TMEM245: variants seen among roughly 807,000 people sequenced by gnomAD.
TMEM245 encodes the protein protein CG-2.
A neutral mutation model predicts 101.2 loss-of-function variants in TMEM245; 69 were observed. That is an observed-to-expected ratio of 0.68 (90% CI 0.56 to 0.83). The LOEUF (loss-of-function observed/expected upper bound fraction) is 0.83, where lower values mean the gene tolerates loss of function less well. Ranked by LOEUF, TMEM245 falls within the 40% of genes least tolerant of loss-of-function variation. The pLI is 0.00. For synonymous variants in TMEM245, 537 were observed against 449.8 expected (o/e 1.19, Z -2.45); for missense variants, 1,075 against 1,092.8 (o/e 0.98, Z 0.23).
At chr9:109,043,212 T>C (rs1208069188) in intron 14 of TMEM245, among the ~76,000 whole-genome samples, 1 of 152,228 alleles carries the variant, frequency 6.6e-6, no homozygotes, top group African/African-American at 2.4e-5. Context: ...CAGTAAACAC[T>C]TCCCTGTCTT....
At chr9:109,037,101 T>C (rs1828151358) in intron 15 of TMEM245, among the ~76,000 whole-genome samples, 2 of 152,038 alleles carry the variant, frequency 1.3e-5, no homozygotes, top group Non-Finnish European at 2.9e-5. Context: ...GGGGATGTGG[T>C]AGAGGCAAAT....
At chr9:109,041,595 T>C (rs143944087) in intron 14 of TMEM245, among the ~76,000 whole-genome samples, 1,612 of 150,204 alleles carry the variant, frequency 0.011, 16 homozygotes, top group Middle Eastern at 0.051. Context: ...TCCCAGGGGC[T>C]GAGAGATGGT....
intron 17 of TMEM245, among the ~76,000 whole-genome samples, chr9:109,032,112 T>G (rs940997418): frequency 2.6e-5 from 4 of 152,214 alleles, no homozygotes. Flanking sequence ...GTGGCAGACA[T>G]CATGACACGT....
intron 1 of TMEM245, among the ~76,000 whole-genome samples, chr9:109,112,048 A>G (rs769911514): frequency 6.6e-5 from 10 of 152,330 alleles, no homozygotes; most frequent in Middle Eastern, 3.4e-3. Context: ...AAGTAATATT[A>G]GTTCAAGAGG....
rs1192745975 is a variant in TMEM245 at position 109,107,381 on chromosome 9, GGA to G, written c.698-774_698-773del. Reference sequence around the variant, plus strand: ...ACCACTGCACTCCAGCCTGGGCGATGGAGTGAGACTCTGTCTCAAAAAAAAAA... The same window carrying G: ...ACCACTGCACTCCAGCCTGGGCGATGGTGAGACTCTGTCTCAAAAAAAAAA... On this transcript the variant is annotated intron_variant, in intron 2 of 17. Transcript: ENST00000374586. Among the ~76,000 whole-genome samples the G allele has an allele frequency of 2.0e-5, 3 of 149,110 alleles. No individual in the cohort carries two copies. The East Asian group carries it at 5.9e-4, about 29-fold the overall frequency.
chr9:109,067,990 CCTA>C (rs1829218575), intron 9 of TMEM245, among the ~76,000 whole-genome samples: 5 of 152,092 alleles, frequency 3.3e-5, no homozygotes, highest in Admixed American at 3.3e-4. Flanking sequence ...CATGCCGACC[CCTA>C]CTATTTCCAA....
At chr9:109,067,214 G>C (rs573710182) in intron 9 of TMEM245, among the ~76,000 whole-genome samples, 7 of 152,152 alleles carry the variant, frequency 4.6e-5, no homozygotes, top group Non-Finnish European at 7.4e-5. Context: ...CAACAAATGA[G>C]AGGAGCTGTT....
At chr9:109,106,236 TAAA>T (rs1194957577) in intron 3 of TMEM245, among the ~76,000 whole-genome samples, 2 of 151,574 alleles carry the variant, frequency 1.3e-5, no homozygotes, top group Non-Finnish European at 2.9e-5. Context: ...AAAAATAAAA[TAAA>T]AATATTTTAT....
Position 109,107,760 on chromosome 9 carries a change from G to A in TMEM245, c.697+693C>T, listed in dbSNP as rs1000701474. On this transcript the variant is annotated intron_variant, in intron 2 of 17. Coordinates refer to ENST00000374586, the MANE Select transcript of TMEM245 (RefSeq NM_032012.4). Reference sequence around the variant, plus strand: ...TAAATTAGAACTTAGTGTTTCCATTGGCTCAAACTTGGGAGATGAAAGTCT... The same window carrying A: ...TAAATTAGAACTTAGTGTTTCCATTAGCTCAAACTTGGGAGATGAAAGTCT... 2.6e-5 allele frequency among the ~76,000 whole-genome samples: 4 copies of A among 152,212 alleles called. No homozygotes were observed. The South Asian group carries it at 8.3e-4, about 32-fold the overall frequency.
chr9:109,056,007 A>G (rs773004855), intron 12 of TMEM245, among the ~76,000 whole-genome samples: 7 of 152,246 alleles, frequency 4.6e-5, no homozygotes, highest in Non-Finnish European at 7.3e-5. Context: ...GAAAACAGAA[A>G]AGAGGCTTTC....
rs764919174 is a variant in TMEM245, at chr9:109,119,540, A to C, written c.374T>G (p.Leu125Arg). Reference sequence around the variant, plus strand: ...GTAGTCGACGAAGCAGAGCGGCAGGAGCAGCGCGGCCAGGACGATGGGCGT... The same window carrying C: ...GTAGTCGACGAAGCAGAGCGGCAGGCGCAGCGCGGCCAGGACGATGGGCGT... The part of the protein sequence containing the change: ...AHTPIVLAAL[L>R]LPLCFVDYGV... Residue 125 changes from leucine to arginine, a missense_variant, in exon 1 of 18, where the codon CTC becomes CGC. By Grantham distance (102) the Leu-to-Arg change is moderately radical. This residue lies in a region of TMEM245 where 808 missense variants were observed against 741.5 expected (regional missense o/e 1.09). Coordinates refer to ENST00000374586, the MANE Select transcript of TMEM245 (RefSeq NM_032012.4). 7 of 1,530,268 alleles carry C rather than the reference A, an allele frequency of 4.6e-6. No homozygotes were observed. The highest frequency in any genetic ancestry group is 6.1e-6 in the Non-Finnish European group (7 of 1,144,226). The allele number at this position is 1,530,268 out of a possible 1,614,324, so 94.8% of individuals were successfully genotyped here.
rs958963870 is a variant in TMEM245, at chr9:109,088,698, TC to T, written c.1151-1357del. 2.9e-4 allele frequency among the ~76,000 whole-genome samples: 43 copies of T among 150,666 alleles called. No individual in the cohort carries two copies. In the South Asian group the frequency reaches 4.6e-3, roughly 16 times the overall value. ...CAGGCGTTGTGGCAGGCACCTGTAG[TC>T]CCAGCTACTCAGGAGGCTGAGGCAG... On this transcript the variant is annotated intron_variant, in intron 5 of 17. Coordinates refer to ENST00000374586, the MANE Select transcript of TMEM245 (RefSeq NM_032012.4).
At chr9:109,076,314 G>C (rs1297437902) in intron 8 of TMEM245, among the ~76,000 whole-genome samples, 2 of 146,848 alleles carry the variant, frequency 1.4e-5, no homozygotes, top group African/African-American at 5.0e-5. Flanking sequence ...CTCACTCATA[G>C]ATGGGAACTG....
intron 7 of TMEM245, among the ~76,000 whole-genome samples, chr9:109,083,901 CA>C (rs751739620): frequency 1.9e-3 from 66 of 34,464 alleles, no homozygotes; most frequent in African/African-American, 6.4e-3. Context: ...ACTAAAAATA[CA>C]AAAAAAAAAA....
chr9:109,090,025 C>G (rs1425038530), intron 5 of TMEM245, among the ~76,000 whole-genome samples: 3 of 152,030 alleles, frequency 2.0e-5, no homozygotes, highest in Non-Finnish European at 4.4e-5. Flanking sequence ...CTTTGGGAGG[C>G]GGAGGTGAGC....
chr9:109,033,040 C>T (rs1828011256), intron 17 of TMEM245, among the ~76,000 whole-genome samples: 4 of 152,118 alleles, frequency 2.6e-5, no homozygotes, highest in Admixed American at 2.0e-4. Context: ...CTCAGGTGAT[C>T]CACCTGCCTT....
chr9:109,020,722 C>T (rs1238607693), intron 17 of TMEM245, among the ~76,000 whole-genome samples: 2 of 152,196 alleles, frequency 1.3e-5, no homozygotes, highest in Non-Finnish European at 2.9e-5. Context: ...CCCAGACTCC[C>T]CTGAAACTAC....
At chr9:109,041,322 G>A (rs564997014) in intron 14 of TMEM245, among the ~76,000 whole-genome samples, 2 of 152,104 alleles carry the variant, frequency 1.3e-5, no homozygotes, top group Non-Finnish European at 2.9e-5. Flanking sequence ...TTGCGACAAC[G>A]TAGATGATCC....
At chr9:109,069,990 C>T (rs1433557138) in intron 9 of TMEM245, among the ~76,000 whole-genome samples, 1 of 152,240 alleles carries the variant, frequency 6.6e-6, no homozygotes, top group Non-Finnish European at 1.5e-5. Flanking sequence ...CTACTACTGT[C>T]TCAAAACGTT....
Sources: gnomAD v4.1 joint callset for allele counts (sites outside exome capture counted in the v4.1 genomes callset) on GRCh38, gnomAD v4.1.1 for gene constraint, gnomAD v4.1.1 regional missense constraint, MANE v1.5 for transcripts, NCBI Gene and HGNC (gene_info 2026-07-23, HGNC 2026-07-21) for gene names.